Variants in IGF1R observed in about 807,000 individuals in gnomAD.
IGF1R encodes the protein insulin-like growth factor 1 receptor.
IGF1R carries 44 observed loss-of-function variants against 144.6 expected under a neutral mutation model. That is an observed-to-expected ratio of 0.30 (90% CI 0.24 to 0.39). IGF1R has a LOEUF of 0.39. Among genes scored for constraint, IGF1R ranks in the 10% least tolerant of loss-of-function variants. IGF1R has a pLI of 1.00. For synonymous variants in IGF1R, 795 were observed against 722.8 expected (o/e 1.10, Z -1.60); for missense variants, 1,355 against 1,833.7 (o/e 0.74, Z 4.77).
intron 1 of IGF1R, among the ~76,000 whole-genome samples, chr15:98,678,687 A>AT (rs371172561): frequency 1.3e-4 from 20 of 150,818 alleles, no homozygotes; most frequent in East Asian, 7.8e-4. Flanking sequence ...CTAATTTTTT[A>AT]TTTTTTTTGT....
intron 2 of IGF1R, among the ~76,000 whole-genome samples, chr15:98,814,389 TGCCCAGGCTGGAGTGCAGTG>T (rs1439669314): frequency 6.6e-6 from 1 of 152,170 alleles, no homozygotes; most frequent in African/African-American, 2.4e-5. Flanking sequence ...CTTGCTCTGT[TGCCCAGGCTGGAGTGCAGTG>T]GCACCATCAT....
At chr15:98,746,029 G>T (rs148680737) in intron 2 of IGF1R, among the ~76,000 whole-genome samples, 1 of 152,354 alleles carries the variant, frequency 6.6e-6, no homozygotes, top group African/African-American at 2.4e-5. Flanking sequence ...AAAATGGAAT[G>T]CTCTGCTGCT....
intron 1 of IGF1R, among the ~76,000 whole-genome samples, chr15:98,687,055 GGGA>G (rs984677092): frequency 1.3e-5 from 2 of 152,240 alleles, no homozygotes; most frequent in Admixed American, 1.3e-4. Flanking sequence ...TAAAGGTTTT[GGGA>G]GGAGGAGGAG....
intron 4 of IGF1R, among the ~76,000 whole-genome samples, chr15:98,898,476 G>A (rs890751829): frequency 9.9e-5 from 15 of 152,194 alleles, no homozygotes; most frequent in Admixed American, 7.2e-4. Flanking sequence ...CCTGCCCCAC[G>A]TTTAAAATTC....
At chr15:98,823,301 A>G (rs2056835680) in intron 2 of IGF1R, among the ~76,000 whole-genome samples, 1 of 152,190 alleles carries the variant, frequency 6.6e-6, no homozygotes, top group African/African-American at 2.4e-5. Context: ...TCATGAAGTG[A>G]TGTCACTCTG....
chr15:98,954,331 G>A (rs1596489337), intron 20 of IGF1R: 2 of 151,774 alleles, frequency 1.3e-5, no homozygotes, highest in African/African-American at 4.8e-5. Context: ...GGCTGGGTAT[G>A]TGTCCCCCAA....
At chr15:98,767,024 C>T (rs542646574) in intron 2 of IGF1R, among the ~76,000 whole-genome samples, 15 of 152,212 alleles carry the variant, frequency 9.9e-5, no homozygotes, top group East Asian at 3.9e-4. Context: ...CCTTTCCGCC[C>T]GTTAATTGCC....
intron 2 of IGF1R, among the ~76,000 whole-genome samples, chr15:98,836,771 T>C (rs1165985609): frequency 2.0e-5 from 3 of 152,212 alleles, no homozygotes; most frequent in Non-Finnish European, 4.4e-5. Context: ...TTGCTTGTTT[T>C]TCATGACCTT....
intron 1 of IGF1R, chr15:98,650,888 T>G (rs1303694009): frequency 1.0e-6 from 1 of 983,254 alleles, no homozygotes; most frequent in African/African-American, 1.8e-5. Context: ...CGGGTGGGGG[T>G]TAGTAGGGAA....
chr15:98,862,601 T>C (rs1281359259), intron 2 of IGF1R, among the ~76,000 whole-genome samples: 1 of 152,216 alleles, frequency 6.6e-6, no homozygotes, highest in African/African-American at 2.4e-5. Flanking sequence ...GACTTTATCT[T>C]GAGGTGCACG....
intron 5 of IGF1R, among the ~76,000 whole-genome samples, chr15:98,906,445 G>A (rs1391457365): frequency 6.6e-6 from 1 of 152,198 alleles, no homozygotes; most frequent in Admixed American, 6.5e-5. Context: ...CTTTGGAGCT[G>A]GAGAAACCTA....
At chr15:98,728,004 A>G (rs532800176) in intron 2 of IGF1R, among the ~76,000 whole-genome samples, 1 of 42,364 alleles carries the variant, frequency 2.4e-5, no homozygotes, top group Non-Finnish European at 5.5e-5. Flanking sequence ...CTGAAGATGC[A>G]TTGTTTTTTT....
chr15:98,731,550 G>A (rs762467758), intron 2 of IGF1R, among the ~76,000 whole-genome samples: 2 of 152,180 alleles, frequency 1.3e-5, no homozygotes, highest in Non-Finnish European at 2.9e-5. Context: ...GAAACTGCAG[G>A]TAGTGCTCTT....
chr15:98,861,191 G>T (rs944781064), intron 2 of IGF1R, among the ~76,000 whole-genome samples: 1 of 152,078 alleles, frequency 6.6e-6, no homozygotes, highest in African/African-American at 2.4e-5. Flanking sequence ...CCAAATGAAT[G>T]CACTTTCCCC....
chr15:98,920,357 G>C (rs573344623), intron 10 of IGF1R, among the ~76,000 whole-genome samples: 1 of 152,312 alleles, frequency 6.6e-6, no homozygotes, highest in African/African-American at 2.4e-5. Flanking sequence ...GTCCCTAAAA[G>C]TGTGATGTTG....
chr15:98,904,538 G>T (rs1479053058), intron 5 of IGF1R, among the ~76,000 whole-genome samples: 1 of 152,212 alleles, frequency 6.6e-6, no homozygotes, highest in Non-Finnish European at 1.5e-5. Context: ...GAGTGGACAT[G>T]ATATAAACCA....
chr15:98,809,739 A>T (rs1319796655), intron 2 of IGF1R, among the ~76,000 whole-genome samples: 2 of 152,230 alleles, frequency 1.3e-5, no homozygotes, highest in African/African-American at 4.8e-5. Context: ...TGTGAGATCC[A>T]GGAGTGTCTT....
chr15:98,945,623 G>A (rs2016521605), intron 19 of IGF1R, among the ~76,000 whole-genome samples: 1 of 152,182 alleles, frequency 6.6e-6, no homozygotes, highest in South Asian at 2.1e-4. Flanking sequence ...ATTTCTCGGT[G>A]CTTCTGACTG....
chr15:98,762,265 T>C (rs2055324012), intron 2 of IGF1R, among the ~76,000 whole-genome samples: 1 of 130,048 alleles, frequency 7.7e-6, no homozygotes, highest in South Asian at 2.4e-4. Flanking sequence ...TGAGATGGAG[T>C]CTGGCTCTGC....
Sources: gnomAD v4.1 joint callset for allele counts (sites outside exome capture counted in the v4.1 genomes callset) on GRCh38, gnomAD v4.1.1 for gene constraint, MANE v1.5 for transcripts, NCBI Gene and HGNC (gene_info 2026-07-23, HGNC 2026-07-21) for gene names.